The following GPD2 variants were observed in gnomAD, a reference collection of about 807,000 sequenced individuals.
GPD2 encodes glycerol-3-phosphate dehydrogenase 2.
GPD2 carries 54 observed loss-of-function variants against 82.4 expected under a neutral mutation model. That is an observed-to-expected ratio of 0.66 (90% confidence interval 0.53 to 0.82). The LOEUF (loss-of-function observed/expected upper bound fraction) is 0.82, where lower values mean the gene tolerates loss of function less well. Ranked by LOEUF, GPD2 falls within the 40% of genes least tolerant of loss-of-function variation. The pLI is 0.00. For synonymous variants in GPD2, 288 were observed against 306.1 expected (o/e 0.94, Z 0.62); for missense variants, 748 against 896.2 (o/e 0.83, Z 2.11).
chr2:156,418,859 G>A, the GPD2 span, among the ~76,000 whole-genome samples: 1 of 151,848 alleles, frequency 6.6e-6, no homozygotes, highest in African/African-American at 2.4e-5. Context: ...TTCAGGTGTG[G>A]GTTCATTCTT....
At chr2:156,507,600 A>G (rs912553027) in intron 3 of GPD2, among the ~76,000 whole-genome samples, 64 of 152,144 alleles carry the variant, frequency 4.2e-4, no homozygotes, top group African/African-American at 1.5e-3. Context: ...TGCTAGGATT[A>G]TGTGAGCCAC....
intron 2 of GPD2, among the ~76,000 whole-genome samples, chr2:156,487,125 G>A (rs990104881): frequency 6.6e-6 from 1 of 152,104 alleles, no homozygotes; most frequent in Non-Finnish European, 1.5e-5. Context: ...GACCAATGTG[G>A]CAAAACCCCA....
the GPD2 span, among the ~76,000 whole-genome samples, chr2:156,404,348 C>T: frequency 6.6e-6 from 1 of 152,242 alleles, no homozygotes; most frequent in South Asian, 2.1e-4. Flanking sequence ...TACTGTGCCA[C>T]TGCACTCCAG....
At position 156,582,735 on chromosome 2, in the gene GPD2, A is replaced by G. The variant is rs1163932692; in HGVS notation, c.2059-58A>G. Reference sequence around the variant, plus strand: ...CTGCAATTCTAACGATTATGATGCCATGAAGAAGAGAGTAAGTTGGCCTGC... The same window carrying G: ...CTGCAATTCTAACGATTATGATGCCGTGAAGAAGAGAGTAAGTTGGCCTGC... On this transcript the variant is annotated intron_variant, in intron 16 of 16. Transcript: ENST00000438166. 2.5e-6 allele frequency: 4 copies of G among 1,588,832 alleles called. No individual in the cohort carries two copies. The South Asian group carries it at 3.3e-5, about 13-fold the overall frequency.
chr2:156,527,877 G>A (rs1685671969), intron 6 of GPD2, among the ~76,000 whole-genome samples: 1 of 152,024 alleles, frequency 6.6e-6, no homozygotes, highest in Non-Finnish European at 1.5e-5. Flanking sequence ...TGGATTTGGT[G>A]ATTTGTGTTT....
intron 13 of GPD2, 29 bp downstream of exon 13, chr2:156,571,321 A>G (rs371435754): frequency 6.9e-7 from 1 of 1,451,142 alleles, no homozygotes; most frequent in Non-Finnish European, 9.4e-7. Flanking sequence ...TAAAACCACA[A>G]TTCCTATTGT....
the GPD2 span, among the ~76,000 whole-genome samples, chr2:156,421,609 T>G: frequency 6.6e-6 from 1 of 152,244 alleles, no homozygotes. Context: ...TCTTTTATCT[T>G]AGATTATCCC....
At chr2:156,401,045 A>G in the GPD2 span, among the ~76,000 whole-genome samples, 1 of 152,354 alleles carries the variant, frequency 6.6e-6, no homozygotes, top group South Asian at 2.1e-4. Context: ...GGCTTTCATT[A>G]ATACTTCTTT....
upstream of GPD2, among the ~76,000 whole-genome samples, chr2:156,433,641 C>G (rs551118196): frequency 6.6e-6 from 1 of 152,142 alleles, no homozygotes; most frequent in Non-Finnish European, 1.5e-5. Flanking sequence ...TTGCAATTCC[C>G]TTGTCTTGAT....
the GPD2 span, among the ~76,000 whole-genome samples, chr2:156,413,589 A>C: frequency 6.1e-4 from 93 of 151,860 alleles, no homozygotes; most frequent in East Asian, 4.8e-3. Flanking sequence ...CCACCACACA[A>C]AAAAAATAAA....
intron 15 of GPD2, among the ~76,000 whole-genome samples, 179 bp from the exon 16 acceptor site, chr2:156,579,511 T>C (rs1003038084): frequency 3.3e-5 from 5 of 151,978 alleles, no homozygotes; most frequent in African/African-American, 1.2e-4. Context: ...AAAATATTTT[T>C]TGCAGAGATG....
Position 156,510,847 on chromosome 2 carries a change from G to C in GPD2, c.326G>C (p.Ser109Thr). 1.2e-6 allele frequency: 2 copies of C among 1,612,538 alleles called. No individual in the cohort carries two copies. Among genetic ancestry groups the C allele is most frequent in the Non-Finnish European group, 8.5e-7 (1 of 1,178,530 alleles). The change falls in exon 4 of 17, where the codon AGC becomes ACC. Residue 109 changes from serine to threonine, a missense_variant. Coordinates refer to ENST00000438166, the MANE Select transcript of GPD2 (RefSeq NM_000408.5). ...ERDDFSSGTS[S>T]RSTKLIHGGV... The stretch of plus-strand genomic sequence containing the variant: ...GATGATTTCTCATCAGGGACCAGCA[G>C]CAGAAGCACTAAATTGATCCATGGT...
chr2:156,558,765 C>CTTTTTTTT lies in GPD2; in HGVS notation c.1165+1207_1165+1214dup, dbSNP rs34524248. On this transcript the variant is annotated intron_variant, in intron 9 of 16. Coordinates refer to ENST00000438166, the MANE Select transcript of GPD2 (RefSeq NM_000408.5). Reference sequence around the variant, plus strand: ...GGTGCCCACCACCACGCCCAGCTAACTTTTTTTTTTTTTTTTTTTTTTTTT... The same window carrying CTTTTTTTT: ...GGTGCCCACCACCACGCCCAGCTAACTTTTTTTTTTTTTTTTTTTTTTTTTTTTTTTTT... 7.6e-3 allele frequency among the ~76,000 whole-genome samples: 312 copies of CTTTTTTTT among 40,898 alleles called. 52 individuals carry two copies. The highest frequency in any genetic ancestry group is 0.011 in the Non-Finnish European group (255 of 24,184). 26.8% of individuals were successfully genotyped at this position (40,898 alleles called of 152,430 possible).
intron 1 of GPD2, among the ~76,000 whole-genome samples, chr2:156,469,180 C>T (rs180956039): frequency 1.1e-3 from 168 of 152,194 alleles, no homozygotes; most frequent in African/African-American, 3.7e-3. Context: ...TTTTTTGAGA[C>T]GGAGTCTCTC....
chr2:156,526,084 T>C (rs542265023), intron 6 of GPD2, among the ~76,000 whole-genome samples: 26 of 152,152 alleles, frequency 1.7e-4, no homozygotes, highest in Non-Finnish European at 2.6e-4. Context: ...TTTCCATAAG[T>C]ATAAGAGGCC....
At chr2:156,508,327 A>G (rs1558933920) in intron 3 of GPD2, among the ~76,000 whole-genome samples, 3 of 151,948 alleles carry the variant, frequency 2.0e-5, no homozygotes, top group African/African-American at 2.4e-5. Context: ...AATAGAGAAT[A>G]CTGGAAAGAG....
At chr2:156,495,309 C>T (rs913000452) in intron 2 of GPD2, among the ~76,000 whole-genome samples, 4 of 152,030 alleles carry the variant, frequency 2.6e-5, no homozygotes, top group Admixed American at 6.6e-5. Context: ...GTGATAGTGC[C>T]ACCGCACCCC....
rs1241446711 is a variant in GPD2, at chr2:156,546,688, C to T, written c.662-2920C>T. Among the ~76,000 whole-genome samples the T allele has an allele frequency of 2.0e-5, 3 of 152,164 alleles. No individual in the cohort carries two copies. In the East Asian group the frequency reaches 5.8e-4, roughly 29 times the overall value. The stretch of plus-strand genomic sequence containing the variant: ...TAATAATACCTGTGCTTGCATTTCC[C>T]TGCAAAGCAAGGGATACCTTCTGGG... On this transcript the variant is annotated intron_variant, in intron 6 of 16. Transcript: ENST00000438166.
intron 1 of GPD2, among the ~76,000 whole-genome samples, chr2:156,450,006 G>A (rs1682498478): frequency 1.9e-5 from 1 of 53,060 alleles, no homozygotes; most frequent in Non-Finnish European, 4.1e-5. Context: ...GTGAGACTCT[G>A]TCTCAAAGAG....
Sources: gnomAD v4.1 joint callset for allele counts (sites outside exome capture counted in the v4.1 genomes callset) on GRCh38, gnomAD v4.1.1 for gene constraint, MANE v1.5 for transcripts, NCBI Gene and HGNC (gene_info 2026-07-23, HGNC 2026-07-21) for gene names.